The following WIF1 variants were observed in gnomAD, a reference collection of about 807,000 sequenced individuals.
WIF1 encodes the protein Wnt inhibitory factor 1.
WIF1 carries 35 observed loss-of-function variants against 53.5 expected under a neutral mutation model. The observed-to-expected ratio is 0.65, with a 90% CI of 0.50 to 0.87. The LOEUF (loss-of-function observed/expected upper bound fraction) is 0.87, where lower values mean the gene tolerates loss of function less well. Ranked by LOEUF, WIF1 falls within the 40% of genes least tolerant of loss-of-function variation. The probability of loss-of-function intolerance (pLI) is 0.00; values close to 1 mark genes in which losing one functional copy is unlikely to be tolerated. For missense variants in WIF1, 467 were observed against 476.8 expected (o/e 0.98, Z 0.19); for synonymous variants, 171 against 170.4 (o/e 1.00, Z -0.03).
chr12:65,102,386 T>C (rs1883295246), intron 2 of WIF1, among the ~76,000 whole-genome samples: 1 of 152,068 alleles, frequency 6.6e-6, no homozygotes, highest in Non-Finnish European at 1.5e-5. Context: ...TAAGAGCCAG[T>C]GTTTCAGCTC....
At chr12:65,113,232 C>G (rs146281383) in intron 2 of WIF1, among the ~76,000 whole-genome samples, 1 of 152,106 alleles carries the variant, frequency 6.6e-6, no homozygotes, top group Non-Finnish European at 1.5e-5. Context: ...CTGATAAGGC[C>G]TCTTCCAGAG....
intron 3 of WIF1, among the ~76,000 whole-genome samples, chr12:65,074,799 C>G (rs1026712794): frequency 6.3e-5 from 6 of 95,136 alleles, no homozygotes; most frequent in Non-Finnish European, 1.1e-4. Context: ...GCCTGGGTAA[C>G]AGAGGGACAC....
intron 7 of WIF1, among the ~76,000 whole-genome samples, chr12:65,059,109 A>G (rs1882573150): frequency 6.6e-6 from 1 of 152,156 alleles, no homozygotes. Flanking sequence ...AGATTTGACT[A>G]AGTTTCAGCT....
At chr12:65,062,804 A>G (rs1040499034) in intron 6 of WIF1, among the ~76,000 whole-genome samples, 1 of 152,170 alleles carries the variant, frequency 6.6e-6, no homozygotes, top group Non-Finnish European at 1.5e-5. Flanking sequence ...ACCCACCAGT[A>G]GGAGTTTCCA....
chr12:65,074,258 A>G (rs1045890270), intron 3 of WIF1, among the ~76,000 whole-genome samples: 1 of 152,012 alleles, frequency 6.6e-6, no homozygotes. Flanking sequence ...ACTAGACACA[A>G]AAAGTGAAAA....
intron 7 of WIF1, 66 bp downstream of exon 7, chr12:65,062,415 T>G (rs1412250859): frequency 7.4e-7 from 1 of 1,343,522 alleles, no homozygotes; most frequent in East Asian, 2.5e-5. Flanking sequence ...CTTGATAAAA[T>G]GAAGGGGTTA....
In WIF1 at chr12:65,051,408, G is replaced by T. The variant is rs61761621; in HGVS notation, c.1081C>A (p.Pro361Thr). ...PAGAQLRQHT[P>T]SLKKAEERRD... ...CGCTCCTCGGCCTTTTTAAGTGAAG[G>T]CGTGTGCTGCCTGAGCTGGGCGCCT... is the stretch of plus-strand genomic sequence containing the variant. The change falls in exon 10 of 10, where the codon CCT becomes ACT. Residue 361 changes from proline to threonine, a missense_variant. Transcript: ENST00000286574. 2,683 of 1,613,846 alleles carry T rather than the reference G, an allele frequency of 1.7e-3. 21 individuals carry two copies. The African/African-American group carries it at 0.03, about 18-fold the overall frequency.
chr12:65,098,674 A>G (rs778643665), intron 2 of WIF1, among the ~76,000 whole-genome samples: 10 of 147,692 alleles, frequency 6.8e-5, no homozygotes, highest in Non-Finnish European at 1.2e-4. Context: ...GTGTGTGTGT[A>G]ATGGATAACA....
chr12:65,112,520 G>A (rs928348277), intron 2 of WIF1, among the ~76,000 whole-genome samples: 1 of 150,910 alleles, frequency 6.6e-6, no homozygotes, highest in East Asian at 2.0e-4. Context: ...GCTAAATGAG[G>A]GTTGTGGAAA....
intron 2 of WIF1, among the ~76,000 whole-genome samples, chr12:65,114,116 T>G (rs972299209): frequency 6.6e-6 from 1 of 152,194 alleles, no homozygotes; most frequent in Non-Finnish European, 1.5e-5. Flanking sequence ...TAAGGGTGTT[T>G]GGCAGTTCCT....
At chr12:65,085,573 G>A (rs568649034) in intron 2 of WIF1, among the ~76,000 whole-genome samples, 33 of 152,304 alleles carry the variant, frequency 2.2e-4, no homozygotes, top group African/African-American at 7.7e-4. Context: ...AAGGAAAAGG[G>A]AAAGCACCTT....
chr12:65,058,181 C>T (rs990711654), intron 7 of WIF1, among the ~76,000 whole-genome samples: 1 of 152,024 alleles, frequency 6.6e-6, no homozygotes, highest in Non-Finnish European at 1.5e-5. Flanking sequence ...ATATCTAACT[C>T]CAAATTTCCA....
chr12:65,081,697 G>A (rs1268628159), intron 2 of WIF1, among the ~76,000 whole-genome samples: 1 of 152,064 alleles, frequency 6.6e-6, no homozygotes, highest in African/African-American at 2.4e-5. Flanking sequence ...AGTTACCAGA[G>A]TAAATCGTTT....
chr12:65,088,776 T>G (rs1248675352), intron 2 of WIF1, among the ~76,000 whole-genome samples: 3 of 152,110 alleles, frequency 2.0e-5, no homozygotes, highest in African/African-American at 7.2e-5. Context: ...TCACATGCTC[T>G]TCTCTCTATA....
chr12:65,056,441 T>A (rs1166436115), intron 7 of WIF1, among the ~76,000 whole-genome samples: 3 of 138,988 alleles, frequency 2.2e-5, no homozygotes, highest in Non-Finnish European at 3.0e-5. Context: ...GCCAGGCTAG[T>A]CTTGATCTCC....
At chr12:65,118,217 T>G (rs1419500021) in intron 2 of WIF1, among the ~76,000 whole-genome samples, 1 of 152,226 alleles carries the variant, frequency 6.6e-6, no homozygotes, top group African/African-American at 2.4e-5. Flanking sequence ...GATAATGAAA[T>G]GAAATTTTCA....
At chr12:65,083,927 C>T (rs1882996714) in intron 2 of WIF1, 1 of 294,588 alleles carries the variant, frequency 3.4e-6, no homozygotes, top group Non-Finnish European at 6.5e-6. Context: ...TAGCCTCAAC[C>T]TCCTGGGCTC....
intron 2 of WIF1, among the ~76,000 whole-genome samples, chr12:65,088,544 G>T (rs1565755990): frequency 6.6e-6 from 1 of 152,000 alleles, no homozygotes. Context: ...TCTTTACTAC[G>T]GTATGGTTTT....
intron 2 of WIF1, among the ~76,000 whole-genome samples, chr12:65,104,149 C>T (rs1883320386): frequency 6.6e-6 from 1 of 152,104 alleles, no homozygotes; most frequent in Admixed American, 6.6e-5. Context: ...CTTAGAAGAG[C>T]GGCTGGCAGA....
Sources: allele counts gnomAD v4.1 joint callset (sites outside exome capture counted in the v4.1 genomes callset), GRCh38; gene constraint gnomAD v4.1.1; transcripts MANE v1.5; gene names NCBI Gene and HGNC (gene_info 2026-07-23, HGNC 2026-07-21).